The following GJC1 variants were observed in gnomAD, a reference collection of about 807,000 sequenced individuals.
The protein encoded by GJC1 is gap junction gamma-1 protein.
A neutral mutation model predicts 29.3 loss-of-function variants in GJC1; 5 were observed. The observed-to-expected ratio is 0.17, with a 90% CI of 0.09 to 0.36. The LOEUF (loss-of-function observed/expected upper bound fraction) is 0.36, where lower values mean the gene tolerates loss of function less well. Among genes scored for constraint, GJC1 ranks in the 10% least tolerant of loss-of-function variants. GJC1 has a pLI of 1.00. For missense variants in GJC1, 310 were observed against 496.2 expected, an observed-to-expected ratio of 0.62 and a Z score of 3.56; for synonymous variants, 177 against 183.3, an observed-to-expected ratio of 0.97 and a Z score of 0.28.
chr17:44,803,049 GCAGTAGAGAAACAAAAA>G lies in GJC1; in HGVS notation c.*1561_*1577del, dbSNP rs551337662. On this transcript the variant is annotated 3_prime_UTR_variant, in exon 3 of 3. Coordinates refer to ENST00000592524, the MANE Select transcript of GJC1 (RefSeq NM_005497.4). ...TCTTTTTTTTGGTGGGGGTAGGAAT[GCAGTAGAGAAACAAAAA>G]CACTGCACAAAGGGTGCAGTGTTCT... 5.9e-5 allele frequency: 9 copies of G among 152,222 alleles called. No individual in the cohort carries two copies. The South Asian group carries it at 1.9e-3, about 32-fold the overall frequency. The allele number at this position is 152,222 out of a possible 1,614,324, so 9.4% of individuals were successfully genotyped here. A position where few individuals can be genotyped will look rare whatever the true frequency, so the allele number is the denominator to read the frequency against.
chr17:44,798,446 A>T (rs529305809), downstream of GJC1: 1 of 152,348 alleles, frequency 6.6e-6, no homozygotes, highest in South Asian at 2.1e-4. Flanking sequence ...ACAAACCACA[A>T]ATGAATCTTC....
intron 1 of GJC1, among the ~76,000 whole-genome samples, chr17:44,828,964 A>T (rs1376179660): frequency 6.6e-6 from 1 of 151,724 alleles, no homozygotes; most frequent in Non-Finnish European, 1.5e-5. Context: ...TCATTTATGT[A>T]GTTTGATTTT....
intron 1 of GJC1, among the ~76,000 whole-genome samples, chr17:44,812,006 A>C: frequency 6.6e-6 from 1 of 151,260 alleles, no homozygotes; most frequent in South Asian, 2.1e-4. Context: ...AAAAAAAAAA[A>C]ACAAAAAACA....
intron 1 of GJC1, among the ~76,000 whole-genome samples, chr17:44,818,780 G>A (rs1017922285): frequency 2.6e-5 from 4 of 151,836 alleles, no homozygotes; most frequent in Admixed American, 1.3e-4. Context: ...GGGCAAGAGA[G>A]CAAAAGAGCA....
At chr17:44,796,806 CACACACACACACACACAT>C (rs1243056747), downstream of GJC1, among the ~76,000 whole-genome samples, 3 of 2,700 alleles carry the variant, frequency 1.1e-3, no homozygotes, top group African/African-American at 2.5e-3. Flanking sequence ...ATCTAAAATA[CACACACACACACACACAT>C]ACACACACAC....
At chr17:44,808,351 T>TA (rs559428998) in intron 1 of GJC1, among the ~76,000 whole-genome samples, 5 of 151,790 alleles carry the variant, frequency 3.3e-5, no homozygotes, top group Admixed American at 2.6e-4. Context: ...TTCCAAATTT[T>TA]AAAAAAATTA....
chr17:44,817,601 T>G (rs541867352), intron 1 of GJC1, among the ~76,000 whole-genome samples: 8 of 152,056 alleles, frequency 5.3e-5, no homozygotes, highest in African/African-American at 1.9e-4. Flanking sequence ...TCCTAGTTAC[T>G]CAGGAGGCTG....
chr17:44,796,917 G>A (rs1465275234), downstream of GJC1, among the ~76,000 whole-genome samples: 1 of 151,906 alleles, frequency 6.6e-6, no homozygotes, highest in African/African-American at 2.4e-5. Flanking sequence ...GCGCAACCAC[G>A]GCTCACTGTA....
At chr17:44,808,899 C>T (rs1417714379) in intron 1 of GJC1, among the ~76,000 whole-genome samples, 2 of 152,066 alleles carry the variant, frequency 1.3e-5, no homozygotes, top group Non-Finnish European at 2.9e-5. Context: ...CCAACATGGA[C>T]TGACCAACTA....
At chr17:44,830,462 A>G (rs1433720977), upstream of GJC1, among the ~76,000 whole-genome samples, 1 of 152,084 alleles carries the variant, frequency 6.6e-6, no homozygotes, top group African/African-American at 2.4e-5. This position sits in a 1 kb window ranked among gnomAD's most constrained non-coding sequence, Gnocchi z 4.3. Flanking sequence ...ATAGTCCGGG[A>G]CGCGGCGGAG....
At position 44,804,653 on chromosome 17, in the gene GJC1, C is replaced by T. The variant is rs770229058; in HGVS notation, c.1165G>A (p.Asp389Asn). 6.2e-6 allele frequency: 10 copies of T among 1,613,528 alleles called. No homozygotes were observed. The highest frequency in any genetic ancestry group is 1.7e-5 in the Admixed American group (1 of 59,978). ...TAAATCCAGACGGAGGTCTTCCCAT[C>T]CCCTGATTTGCTACTGGCAGTGCTT... ...NKSTASSKSG[D>N]GKTSVWI Residue 389 changes from aspartate (D) to asparagine (N), a missense_variant, in exon 3 of 3, where the codon GAT (aspartate) becomes AAT (asparagine). Around this residue, in one of 4 missense-constraint regions of GJC1, gnomAD observed 146 missense variants for 165.0 expected, o/e 0.88. Coordinates refer to ENST00000592524, the MANE Select transcript of GJC1 (RefSeq NM_005497.4).
intron 1 of GJC1, among the ~76,000 whole-genome samples, chr17:44,817,846 T>C (rs1051492937): frequency 3.3e-5 from 5 of 152,070 alleles, no homozygotes; most frequent in Admixed American, 1.3e-4. Context: ...TAGTAAAGAA[T>C]TACATTACCA....
chr17:44,817,173 TCCAGC>T, intron 1 of GJC1, among the ~76,000 whole-genome samples: 1 of 151,960 alleles, frequency 6.6e-6, no homozygotes, highest in African/African-American at 2.4e-5. Flanking sequence ...GCCATTGCAC[TCCAGC>T]CTGGGCAACA....
At chr17:44,815,624 G>A (rs1216438658) in intron 1 of GJC1, among the ~76,000 whole-genome samples, 3 of 151,896 alleles carry the variant, frequency 2.0e-5, no homozygotes, top group Non-Finnish European at 4.4e-5. Context: ...AAGACAGTAG[G>A]ATACGTTCCC....
At chr17:44,828,112 A>C (rs1449021703) in intron 1 of GJC1, among the ~76,000 whole-genome samples, 1 of 152,168 alleles carries the variant, frequency 6.6e-6, no homozygotes, top group African/African-American at 2.4e-5. Flanking sequence ...AATCAGAAAC[A>C]CAACCCTGCA....
chr17:44,815,888 C>T (rs1456753494), intron 1 of GJC1, among the ~76,000 whole-genome samples: 1 of 151,670 alleles, frequency 6.6e-6, no homozygotes, highest in African/African-American at 2.4e-5. Context: ...CCGAGGTGGG[C>T]GGATCATGAG....
At chr17:44,807,786 T>C (rs1438511495) in intron 1 of GJC1, 5 of 152,090 alleles carry the variant, frequency 3.3e-5, no homozygotes, top group Admixed American at 3.3e-4. Flanking sequence ...AGCAGAAGAA[T>C]TGCAGCAAAT....
intron 1 of GJC1, among the ~76,000 whole-genome samples, chr17:44,824,498 T>C (rs528455633): frequency 9.5e-4 from 144 of 152,144 alleles, no homozygotes; most frequent in Non-Finnish European, 1.8e-3. Context: ...GACAGGGCCC[T>C]CACTATGTTG....
chr17:44,808,408 T>G (rs561127571), intron 1 of GJC1, among the ~76,000 whole-genome samples: 2 of 147,080 alleles, frequency 1.4e-5, no homozygotes, highest in African/African-American at 5.1e-5. Flanking sequence ...ACCTGGTAGA[T>G]AGAACAACAC....
Sources: gnomAD v4.1 joint callset for allele counts (sites outside exome capture counted in the v4.1 genomes callset) on GRCh38, gnomAD v4.1.1 for gene constraint, gnomAD v4.1.1 regional missense constraint, Gnocchi (gnomAD v3.1) non-coding constraint, MANE v1.5 for transcripts, NCBI Gene and HGNC (gene_info 2026-07-23, HGNC 2026-07-21) for gene names.